SEMA6D: variants seen among roughly 807,000 people sequenced by gnomAD.
SEMA6D encodes semaphorin-6D.
Under a neutral mutation model 106.6 loss-of-function variants are expected in SEMA6D, and 35 were observed. The observed-to-expected ratio is 0.33, with a 90% confidence interval of 0.25 to 0.44. The LOEUF (loss-of-function observed/expected upper bound fraction) is 0.44. Ranked by LOEUF, SEMA6D falls within the 20% of genes least tolerant of loss-of-function variation. The probability of loss-of-function intolerance (pLI) is 1.00; values close to 1 mark genes in which losing one functional copy is unlikely to be tolerated. For synonymous variants in SEMA6D, 499 were observed against 487.7 expected (o/e 1.02, Z -0.31); for missense variants, 1,185 against 1,345.9 (o/e 0.88, Z 1.87).
At chr15:47,278,284 G>A in intron 1 of SEMA6D, among the ~76,000 whole-genome samples, 1 of 152,108 alleles carries the variant, frequency 6.6e-6, no homozygotes, top group Non-Finnish European at 1.5e-5. Context: ...GTTGTTTCCT[G>A]ACATTTTAAT....
chr15:47,721,351 A>G (rs759879988), intron 1 of SEMA6D, among the ~76,000 whole-genome samples: 2 of 152,206 alleles, frequency 1.3e-5, no homozygotes, highest in Non-Finnish European at 2.9e-5. Context: ...CACGCATTGA[A>G]TCTGTCCTTA....
chr15:47,453,208 C>G (rs866202797), intron 2 of SEMA6D, among the ~76,000 whole-genome samples: 1 of 150,760 alleles, frequency 6.6e-6, no homozygotes, highest in Non-Finnish European at 1.5e-5. Context: ...TCCAAGTTCC[C>G]AAAAGGTCAT....
intron 2 of SEMA6D, among the ~76,000 whole-genome samples, chr15:47,454,326 T>C (rs1295745421): frequency 6.6e-6 from 1 of 152,016 alleles, no homozygotes; most frequent in Non-Finnish European, 1.5e-5. Context: ...AAGGCAATTT[T>C]ACAACTTGTC....
intron 1 of SEMA6D, among the ~76,000 whole-genome samples, chr15:47,314,844 GTTTTCTTTTTTTTTTTTTT>G (rs1566991459): frequency 8.7e-6 from 1 of 115,356 alleles, no homozygotes; most frequent in African/African-American, 3.6e-5. Context: ...AATCATCTAG[GTTTTCTTTTTTTTTTTTTT>G]TTTTTTTTTT....
At chr15:47,507,287 G>C (rs1458472740) in intron 3 of SEMA6D, among the ~76,000 whole-genome samples, 1 of 152,148 alleles carries the variant, frequency 6.6e-6, no homozygotes, top group African/African-American at 2.4e-5. Context: ...TTATTGCCTT[G>C]ATATGCCTTT....
chr15:47,749,656 T>A (rs1596980739), intron 1 of SEMA6D, among the ~76,000 whole-genome samples: 1 of 152,294 alleles, frequency 6.6e-6, no homozygotes, highest in South Asian at 2.1e-4. Context: ...AATTTTAGAC[T>A]ACTGAATTTA....
intron 1 of SEMA6D, among the ~76,000 whole-genome samples, chr15:47,401,441 A>G (rs281308): frequency 0.59 from 89,464 of 152,040 alleles, 27,287 homozygotes; most frequent in Middle Eastern, 0.71. Flanking sequence ...CTTTAAAATT[A>G]TCTACAATAA....
intron 3 of SEMA6D, among the ~76,000 whole-genome samples, chr15:47,572,848 C>A (rs2076087159): frequency 6.6e-6 from 1 of 151,740 alleles, no homozygotes; most frequent in African/African-American, 2.4e-5. Flanking sequence ...GAACTTTTGC[C>A]AGATACTATG....
chr15:47,431,404 G>A (rs2041518613), intron 2 of SEMA6D, among the ~76,000 whole-genome samples: 1 of 152,006 alleles, frequency 6.6e-6, no homozygotes, highest in Non-Finnish European at 1.5e-5. Context: ...ACATTACCTG[G>A]AGACTAAATA....
intron 4 of SEMA6D, among the ~76,000 whole-genome samples, chr15:47,638,940 T>C (rs1282201249): frequency 8.5e-5 from 13 of 152,218 alleles, no homozygotes; most frequent in Admixed American, 7.9e-4. Flanking sequence ...GGTCCCCAGC[T>C]GCAACCACTT....
intron 4 of SEMA6D, among the ~76,000 whole-genome samples, chr15:47,637,774 C>T (rs1022025556): frequency 6.6e-6 from 1 of 152,210 alleles, no homozygotes; most frequent in African/African-American, 2.4e-5. Flanking sequence ...TCTCCCACTC[C>T]ATTACCAAGT....
At chr15:47,692,420 C>T (rs1287083016) in intron 4 of SEMA6D, among the ~76,000 whole-genome samples, 1 of 152,172 alleles carries the variant, frequency 6.6e-6, no homozygotes, top group Admixed American at 6.6e-5. Context: ...TCTGTTCTGC[C>T]GACCTGGTAA....
At chr15:47,713,433 A>G (rs1159042441), upstream of SEMA6D, among the ~76,000 whole-genome samples, 2 of 152,236 alleles carry the variant, frequency 1.3e-5, no homozygotes, top group East Asian at 1.9e-4. Flanking sequence ...TCACTTTCAT[A>G]TGCAGACTGT....
chr15:47,721,325 A>G (rs1161821557), intron 1 of SEMA6D, among the ~76,000 whole-genome samples: 1 of 152,200 alleles, frequency 6.6e-6, no homozygotes, highest in South Asian at 2.1e-4. Context: ...GATTCAATGT[A>G]CTGTTAAGTG....
At chr15:47,375,028 T>C (rs1595860236) in intron 1 of SEMA6D, among the ~76,000 whole-genome samples, 2 of 152,236 alleles carry the variant, frequency 1.3e-5, no homozygotes. Context: ...TCTGATCTTA[T>C]ATAGTGTTTG....
At chr15:47,507,680 C>T (rs1412735353) in intron 3 of SEMA6D, among the ~76,000 whole-genome samples, 2 of 152,176 alleles carry the variant, frequency 1.3e-5, no homozygotes, top group Non-Finnish European at 2.9e-5. Context: ...AATATGTGCA[C>T]CATATGTCAT....
intron 2 of SEMA6D, among the ~76,000 whole-genome samples, chr15:47,421,705 G>T (rs1175440475): frequency 6.6e-6 from 1 of 151,852 alleles, no homozygotes; most frequent in African/African-American, 2.4e-5. Flanking sequence ...TAGATAAGGG[G>T]GGATCAGAAG....
intron 1 of SEMA6D, among the ~76,000 whole-genome samples, chr15:47,268,276 AACT>A (rs2034411437): frequency 6.6e-6 from 1 of 152,326 alleles, no homozygotes; most frequent in African/African-American, 2.4e-5. Context: ...AAAGTGTGAG[AACT>A]ACTGACCTAG....
At chr15:47,304,117 TGTC>T (rs2036131130) in intron 1 of SEMA6D, among the ~76,000 whole-genome samples, 1 of 152,124 alleles carries the variant, frequency 6.6e-6, no homozygotes, top group East Asian at 1.9e-4. Context: ...AGAAAGGGGT[TGTC>T]ATGTTATCTT....
Sources: gnomAD v4.1 joint callset for allele counts (sites outside exome capture counted in the v4.1 genomes callset) on GRCh38, gnomAD v4.1.1 for gene constraint, MANE v1.5 for transcripts, NCBI Gene and HGNC (gene_info 2026-07-23, HGNC 2026-07-21) for gene names.